HTATSF1: variants seen among roughly 807,000 people sequenced by gnomAD.
HTATSF1 encodes the protein HIV-1 Tat specific factor 1.
Under a neutral mutation model 46.1 loss-of-function variants are expected in HTATSF1, and 6 were observed. That is an observed-to-expected ratio of 0.13 (90% confidence interval 0.07 to 0.26). The LOEUF (loss-of-function observed/expected upper bound fraction) is 0.26. HTATSF1 is among the 10% of genes least tolerant of loss of function. The pLI, the probability that HTATSF1 is intolerant of heterozygous loss-of-function variation, is 1.00. For missense variants in HTATSF1, 452 were observed against 559.9 expected (o/e 0.81, Z 1.94); for synonymous variants, 226 against 211.5 (o/e 1.07, Z -0.60).
rs1285510719 is a variant in HTATSF1, at chrX:136,501,578, T to C, written c.570+760T>C. Among the ~76,000 whole-genome samples, 4 of 112,419 alleles carry C rather than the reference T, an allele frequency of 3.6e-5. No individual in the cohort carries two copies. In the South Asian group the frequency reaches 1.5e-3, roughly 41 times the overall value. ...CCTGCCACCTTAGGAGCATGTGTTATACATTATCACAGGGTACAGAACAAA... is the reference window on the plus strand; with the variant it reads ...CCTGCCACCTTAGGAGCATGTGTTACACATTATCACAGGGTACAGAACAAA... On this transcript the variant is annotated intron_variant, in intron 4 of 8. Coordinates refer to ENST00000218364, the MANE Select transcript of HTATSF1 (RefSeq NM_014500.5).
chrX:136,500,312 T>C (rs1011987695), intron 3 of HTATSF1, 107 bp downstream of exon 3: 14 of 564,468 alleles, frequency 2.5e-5, no homozygotes, highest in Non-Finnish European at 4.2e-5. Flanking sequence ...TTTTTTATCA[T>C]TGTGTCATTT....
chrX:136,501,043 GT>G (rs2075715860), intron 4 of HTATSF1, among the ~76,000 whole-genome samples: 3 of 112,349 alleles, frequency 2.7e-5, no homozygotes, highest in African/African-American at 9.7e-5. Flanking sequence ...TGCGACTGGA[GT>G]GCTTCTTCTG....
chrX:136,511,138 A>G lies in HTATSF1; in HGVS notation c.1393A>G (p.Lys465Glu). 1.7e-6 allele frequency: 2 copies of G among 1,209,675 alleles called. No homozygotes were observed. The highest frequency in any genetic ancestry group is 3.5e-5 in the South Asian group (2 of 56,434). ...EKEAEEGCPE[K>E]ESEEGCPKRG... ...AGAGGCTGAAGAAGGCTGCCCTGAA[A>G]AAGAATCTGAAGAGGGCTGCCCCAA... The change falls in exon 9 of 9, where the codon AAA (lysine) becomes GAA (glutamate). Residue 465 changes from lysine to glutamate, a missense_variant. Physicochemically the swap from Lys to Glu is moderately conservative, Grantham distance 56. Transcript: ENST00000218364.
Position 136,497,633 on chromosome X carries a change from C to T in HTATSF1, c.-52C>T, listed in dbSNP as rs2075698118. The T allele has an allele frequency of 4.0e-5, 42 of 1,062,478 alleles. 1 individual carries two copies. The South Asian group carries it at 8.9e-4, about 22-fold the overall frequency. The allele number at this position is 1,062,478 out of a possible 1,213,427, so 87.6% of individuals were successfully genotyped here. ...CCCTTTCTCTGCTCAGCTCCAGCGT[C>T]ATTTCGGCCTCTTAGTTCTTCTGAA... On this transcript the variant is annotated 5_prime_UTR_variant, in exon 1 of 9. Transcript: ENST00000218364.
intron 5 of HTATSF1, 65 bp downstream of exon 5, chrX:136,503,006 A>G (rs112020563): frequency 2.7e-6 from 2 of 738,081 alleles, no homozygotes; most frequent in African/African-American, 2.2e-5. Context: ...GGTAATAGCC[A>G]TCTAGTTTTA....
intron 1 of HTATSF1, among the ~76,000 whole-genome samples, chrX:136,498,667 C>T (rs772391921): frequency 1.6e-4 from 18 of 112,373 alleles, no homozygotes; most frequent in Non-Finnish European, 3.4e-4. Context: ...ACTTTTCTTT[C>T]CCATTCTGTA....
intron 3 of HTATSF1, 73 bp from the exon 4 acceptor site, chrX:136,500,591 T>C: frequency 1.5e-6 from 1 of 683,514 alleles, no homozygotes; most frequent in Non-Finnish European, 2.2e-6. Context: ...TATAGATTTC[T>C]AATTGGTAGA....
intron 6 of HTATSF1, among the ~76,000 whole-genome samples, chrX:136,507,432 G>C (rs957016877): frequency 9.0e-6 from 1 of 110,931 alleles, no homozygotes; most frequent in East Asian, 2.8e-4. Context: ...ATGATAGCAC[G>C]CACCTGTAAT....
At chrX:136,499,154 T>C (rs896099054) in intron 1 of HTATSF1, among the ~76,000 whole-genome samples, 1 of 112,895 alleles carries the variant, frequency 8.9e-6, no homozygotes, top group African/African-American at 3.2e-5. Context: ...TTATTGTACA[T>C]GTATATTGGT....
chrX:136,506,496 G>T (rs2075742850), intron 6 of HTATSF1, among the ~76,000 whole-genome samples: 1 of 111,828 alleles, frequency 8.9e-6, no homozygotes, highest in Non-Finnish European at 1.9e-5. Flanking sequence ...CTGGCACACA[G>T]TTGGCCCTTA....
chrX:136,497,946 T>G, intron 1 of HTATSF1, 76 bp downstream of exon 1: 1 of 819,908 alleles, frequency 1.2e-6, no homozygotes, highest in African/African-American at 2.0e-5. Flanking sequence ...TTACGTTTGC[T>G]TTGCTGAGAT....
At chrX:136,506,662 G>T (rs1040622916) in intron 6 of HTATSF1, among the ~76,000 whole-genome samples, 1 of 112,740 alleles carries the variant, frequency 8.9e-6, no homozygotes, top group African/African-American at 3.2e-5. Context: ...TTCCACAAAG[G>T]ATGGTGGGAC....
rs1388813686 is a variant in HTATSF1 at position 136,502,856 on chromosome X, A to G, written c.649A>G (p.Lys217Glu). Reference sequence around the variant, plus strand: ...CTACAAATTACATGTTGAGGTGGCAAAGTTTCAACTGAAGGGAGAATATGA... The same window carrying G: ...CTACAAATTACATGTTGAGGTGGCAGAGTTTCAACTGAAGGGAGAATATGA... ...RGYKLHVEVAKFQLKGEYDAS... is the reference protein window; with the variant it reads ...RGYKLHVEVAEFQLKGEYDAS... Residue 217 changes from lysine to glutamate, a missense_variant, in exon 5 of 9, where the codon AAG becomes GAG. Transcript: ENST00000218364. 3.4e-6 allele frequency: 4 copies of G among 1,174,865 alleles called. No individual in the cohort carries two copies. The highest frequency in any genetic ancestry group is 4.6e-6 in the Non-Finnish European group (4 of 873,159).
At chrX:136,502,058 T>C (rs1430683897) in intron 4 of HTATSF1, among the ~76,000 whole-genome samples, 21 of 111,509 alleles carry the variant, frequency 1.9e-4, no homozygotes, top group Non-Finnish European at 2.4e-4. Flanking sequence ...CTGAGTTCAG[T>C]TATCCATTTT....
At chrX:136,506,018 T>C (rs1475857519) in intron 6 of HTATSF1, among the ~76,000 whole-genome samples, 2 of 112,006 alleles carry the variant, frequency 1.8e-5, no homozygotes, top group African/African-American at 6.5e-5. Flanking sequence ...GCCACCCAAG[T>C]GTGAATGTAA....
chrX:136,510,761 C>T (rs762775133), intron 8 of HTATSF1, 47 bp from the exon 9 acceptor site: 21 of 1,142,344 alleles, frequency 1.8e-5, no homozygotes, highest in Non-Finnish European at 2.3e-5. Context: ...AGAGAAGTAA[C>T]CTTTTGCCTG....
chrX:136,503,525 G>C (rs1053634852), intron 5 of HTATSF1, among the ~76,000 whole-genome samples: 4 of 111,772 alleles, frequency 3.6e-5, no homozygotes, highest in Non-Finnish European at 5.6e-5. Context: ...TATCATAAAA[G>C]CATTTAGTTG....
chrX:136,508,822 T>G lies in HTATSF1; in HGVS notation c.835-269T>G, dbSNP rs3830159. ...GCGCCACAGGACTTCCACCATCTTC[T>G]CCTGCTCTGCCACTGTAGGCCCCTT... On this transcript the variant is annotated intron_variant, in intron 6 of 8. Coordinates refer to ENST00000218364, the MANE Select transcript of HTATSF1 (RefSeq NM_014500.5). Among the ~76,000 whole-genome samples the G allele has an allele frequency of 3.5e-4, 39 of 112,732 alleles. No individual in the cohort carries two copies. In the East Asian group the frequency reaches 8.3e-3, roughly 24 times the overall value.
At chrX:136,504,166 C>T (rs1442288879) in intron 5 of HTATSF1, among the ~76,000 whole-genome samples, 198 bp from the exon 6 acceptor site, 1 of 112,346 alleles carries the variant, frequency 8.9e-6, no homozygotes, top group Non-Finnish European at 1.9e-5. Context: ...CCACCGCACA[C>T]GGCCCCCTGC....
Sources: gnomAD v4.1 joint callset for allele counts (sites outside exome capture counted in the v4.1 genomes callset) on GRCh38, gnomAD v4.1.1 for gene constraint, MANE v1.5 for transcripts, NCBI Gene and HGNC (gene_info 2026-07-23, HGNC 2026-07-21) for gene names.